PTPN13: variants seen among roughly 807,000 people sequenced by gnomAD.
The protein encoded by PTPN13 is protein tyrosine phosphatase non-receptor type 13.
A neutral mutation model predicts 284.0 loss-of-function variants in PTPN13; 191 were observed. The observed-to-expected ratio is 0.67, with a 90% CI of 0.60 to 0.76. The LOEUF is 0.76. PTPN13 is among the 30% of genes least tolerant of loss of function. PTPN13 has a pLI of 0.00. For synonymous variants in PTPN13, 986 were observed against 1,022.3 expected, an observed-to-expected ratio of 0.96 and a Z score of 0.68; for missense variants, 2,797 against 2,939.9, an observed-to-expected ratio of 0.95 and a Z score of 1.12.
At chr4:86,706,677 A>G (rs1242499675) in intron 7 of PTPN13, among the ~76,000 whole-genome samples, 1 of 152,210 alleles carries the variant, frequency 6.6e-6, no homozygotes, top group Non-Finnish European at 1.5e-5. Flanking sequence ...TGAGATAGGA[A>G]CAAAAAAGAT....
chr4:86,700,973 A>ATT (rs1027045353), intron 6 of PTPN13, among the ~76,000 whole-genome samples: 6 of 152,194 alleles, frequency 3.9e-5, no homozygotes, highest in African/African-American at 1.2e-4. Flanking sequence ...AATAATTCAC[A>ATT]TTTGATGAAT....
intron 2 of PTPN13, among the ~76,000 whole-genome samples, chr4:86,662,951 G>A (rs1177289964): frequency 3.3e-5 from 5 of 152,158 alleles, no homozygotes; most frequent in Non-Finnish European, 5.9e-5. Context: ...GAAGTTTGAG[G>A]ATGCAGCCAG....
chr4:86,647,852 G>A (rs573966561), intron 2 of PTPN13, among the ~76,000 whole-genome samples: 3 of 152,156 alleles, frequency 2.0e-5, no homozygotes, highest in South Asian at 2.1e-4. Flanking sequence ...AGAGTAGTCA[G>A]AAGAAACCAA....
chr4:86,796,483 A>T (rs9307022), intron 40 of PTPN13, among the ~76,000 whole-genome samples: 15,117 of 152,046 alleles, frequency 0.099, 866 homozygotes, highest in Non-Finnish European at 0.11. Flanking sequence ...GAAAAAAAAA[A>T]ATTTTTAATT....
At chr4:86,669,829 G>C (rs1462943275) in intron 2 of PTPN13, among the ~76,000 whole-genome samples, 4 of 152,046 alleles carry the variant, frequency 2.6e-5, no homozygotes, top group Non-Finnish European at 5.9e-5. Context: ...AATTTGAAAT[G>C]GTAACAGTTA....
intron 3 of PTPN13, among the ~76,000 whole-genome samples, chr4:86,677,509 C>A (rs111859647): frequency 0.05 from 7,585 of 151,462 alleles, 261 homozygotes; most frequent in African/African-American, 0.073. Context: ...GAGACAGGGT[C>A]TCACCATGTT....
intron 2 of PTPN13, among the ~76,000 whole-genome samples, chr4:86,646,776 C>T (rs1724479844): frequency 6.6e-6 from 1 of 152,188 alleles, no homozygotes; most frequent in Admixed American, 6.5e-5. Context: ...GTTCATAGCA[C>T]ATTTCTTTGT....
chr4:86,651,353 A>G (rs1725052149), intron 2 of PTPN13, among the ~76,000 whole-genome samples: 1 of 152,194 alleles, frequency 6.6e-6, no homozygotes, highest in East Asian at 1.9e-4. Context: ...TCTATTTATC[A>G]GTAATATTGG....
chr4:86,804,571 T>G (rs1309155177), intron 43 of PTPN13, among the ~76,000 whole-genome samples: 1 of 152,206 alleles, frequency 6.6e-6, no homozygotes, highest in Admixed American at 6.5e-5. Flanking sequence ...GTTCTTAGAT[T>G]TAAATGTCAC....
rs57773658 is a variant in PTPN13 at position 86,728,643 on chromosome 4, C to CTTT, written c.1609-3725_1609-3723dup. ...CAGAGACTAGGATTGCAACCCCTGC[C>CTTT]TTTTTTTTTTTTTTTTTTTTTTTTT... On this transcript the variant is annotated intron_variant, in intron 10 of 47. Coordinates refer to ENST00000411767, the MANE Select transcript of PTPN13 (RefSeq NM_080683.3). Among the ~76,000 whole-genome samples the CTTT allele has an allele frequency of 1.3e-3, 32 of 24,498 alleles. 2 individuals are homozygous for CTTT. The highest frequency in any genetic ancestry group is 4.3e-3 in the East Asian group (3 of 702). 16.1% of individuals were successfully genotyped at this position (24,498 alleles called of 152,430 possible). A position where few individuals can be genotyped will look rare whatever the true frequency, so the allele number is the denominator to read the frequency against.
chr4:86,693,583 AC>A lies in PTPN13; in HGVS notation c.547-3del, dbSNP rs1565339738. Reference sequence around the variant, plus strand: ...AAACTTGATTTTTTATTACCTGTGTACAGACAGATCAGCTTTCCTGTAACAG... The same window carrying A: ...AAACTTGATTTTTTATTACCTGTGTAAGACAGATCAGCTTTCCTGTAACAG... On this transcript the variant is annotated splice_region_variant and splice_polypyrimidine_tract_variant and intron_variant, in intron 5 of 47. Coordinates refer to ENST00000411767, the MANE Select transcript of PTPN13 (RefSeq NM_080683.3). The A allele has an allele frequency of 6.5e-7, 1 of 1,542,590 alleles. No individual in the cohort carries two copies. The highest frequency in any genetic ancestry group is 1.4e-5 in the African/African-American group (1 of 73,272).
Position 86,743,215 on chromosome 4 carries a change from T to C in PTPN13, c.2487+1399T>C, listed in dbSNP as rs562726495. On this transcript the variant is annotated intron_variant, in intron 16 of 47. Coordinates refer to ENST00000411767, the MANE Select transcript of PTPN13 (RefSeq NM_080683.3). ...GTATGTGTTTCAAGACTATACATCT[T>C]TCTTAGATATTAAATCATCTATACT... 3.5e-4 allele frequency among the ~76,000 whole-genome samples: 53 copies of C among 152,310 alleles called. 1 individual carries two copies. Among genetic ancestry groups the C allele is most frequent in the African/African-American group, 1.2e-3 (51 of 41,580 alleles).
chr4:86,616,271 T>C (rs927884706), intron 1 of PTPN13, among the ~76,000 whole-genome samples: 17 of 152,188 alleles, frequency 1.1e-4, no homozygotes, highest in Admixed American at 3.3e-4. Context: ...TGAAGTGTTA[T>C]GTAATTGGAT....
At chr4:86,786,157 A>AG (rs772456196) in intron 40 of PTPN13, among the ~76,000 whole-genome samples, 1 of 152,164 alleles carries the variant, frequency 6.6e-6, no homozygotes, top group Non-Finnish European at 1.5e-5. Flanking sequence ...AGAAAAAAAA[A>AG]CAATTAGTTT....
intron 2 of PTPN13, among the ~76,000 whole-genome samples, chr4:86,642,980 AT>A (rs547835956): frequency 1.3e-5 from 2 of 152,036 alleles, no homozygotes; most frequent in African/African-American, 2.4e-5. Context: ...CAAAACAGTA[AT>A]TTTTTTTGTT....
rs917894524 is a variant in PTPN13, at chr4:86,716,679, A to G, written c.1291+54A>G. ...TTTTTAAGAAACCACGATTATTATT[A>G]TTTTCAATAGTGTTCAAATATTAAT... On this transcript the variant is annotated intron_variant, in intron 8 of 47. Coordinates refer to ENST00000411767, the MANE Select transcript of PTPN13 (RefSeq NM_080683.3). The G allele has an allele frequency of 3.8e-5, 44 of 1,170,728 alleles. No individual in the cohort carries two copies. In the African/African-American group the frequency reaches 5.5e-4, roughly 15 times the overall value. 72.5% of individuals were successfully genotyped at this position (1,170,728 alleles called of 1,614,324 possible). A position where few individuals can be genotyped will look rare whatever the true frequency, so the allele number is the denominator to read the frequency against.
At chr4:86,713,092 A>G (rs1338931408) in intron 7 of PTPN13, among the ~76,000 whole-genome samples, 1 of 152,114 alleles carries the variant, frequency 6.6e-6, no homozygotes, top group African/African-American at 2.4e-5. Context: ...CATAACATCC[A>G]AGTGACTAAA....
At chr4:86,793,399 A>G (rs149258410) in intron 40 of PTPN13, among the ~76,000 whole-genome samples, 20,522 of 152,186 alleles carry the variant, frequency 0.13, 1,791 homozygotes, top group East Asian at 0.3. Context: ...CTACACAATA[A>G]TAATGGGAGA....
chr4:86,609,215 A>G (rs2149187912), intron 1 of PTPN13, among the ~76,000 whole-genome samples: 2 of 152,286 alleles, frequency 1.3e-5, no homozygotes, highest in East Asian at 3.9e-4. Flanking sequence ...TATCCCTATG[A>G]AAATAGTTTA....
Sources: allele counts gnomAD v4.1 joint callset (sites outside exome capture counted in the v4.1 genomes callset), GRCh38; gene constraint gnomAD v4.1.1; transcripts MANE v1.5; gene names NCBI Gene and HGNC (gene_info 2026-07-23, HGNC 2026-07-21).